Variants in ENOX1 observed in about 807,000 individuals in gnomAD.
ENOX1 encodes ecto-NOX disulfide-thiol exchanger 1.
Under a neutral mutation model 82.5 loss-of-function variants are expected in ENOX1, and 42 were observed. The ratio of observed to expected loss-of-function variants is 0.51; its 90% CI spans 0.40 to 0.66. The LOEUF is 0.66. Among genes scored for constraint, ENOX1 ranks in the 30% least tolerant of loss-of-function variants. The pLI, the probability that ENOX1 is intolerant of heterozygous loss-of-function variation, is 0.00. For missense variants in ENOX1, 608 were observed against 811.6 expected (o/e 0.75, Z 3.05); for synonymous variants, 271 against 282.2 (o/e 0.96, Z 0.40).
At chr13:43,222,816 T>A (rs1416906788) in intron 16 of ENOX1, among the ~76,000 whole-genome samples, 2 of 152,198 alleles carry the variant, frequency 1.3e-5, no homozygotes, top group Non-Finnish European at 2.9e-5. Context: ...CAAGTCCTTC[T>A]TATTTCATCT....
chr13:43,361,191 C>G, intron 6 of ENOX1, 88 bp downstream of exon 6: 4 of 1,368,638 alleles, frequency 2.9e-6, no homozygotes, highest in Non-Finnish European at 4.1e-6. Context: ...ACGTGTGAGT[C>G]ACATCTGAAA....
chr13:43,754,083 T>G (rs1024790762), intron 1 of ENOX1, among the ~76,000 whole-genome samples: 1 of 142,096 alleles, frequency 7.0e-6, no homozygotes, highest in Non-Finnish European at 1.5e-5. Flanking sequence ...TAAATACACA[T>G]ATATACGTAT....
intron 2 of ENOX1, among the ~76,000 whole-genome samples, chr13:43,621,261 T>C (rs2082717219): frequency 6.6e-6 from 1 of 152,224 alleles, no homozygotes; most frequent in Non-Finnish European, 1.5e-5. Flanking sequence ...TGAGGTACCA[T>C]TGAATTCATC....
At chr13:43,326,317 G>A (rs2048111374) in intron 10 of ENOX1, 102 bp downstream of exon 10, 13 of 906,820 alleles carry the variant, frequency 1.4e-5, no homozygotes, top group South Asian at 3.2e-5. Context: ...AATGGCAGGC[G>A]GACTGCCCAC....
rs561197951 is a variant in ENOX1, at chr13:43,273,411, C to T, written c.1447-3834G>A. ...ATTAAAAGTACTGTTAATTCTCTAA[C>T]CCCTATAGATAAAATCTAAACCACT... On this transcript the variant is annotated intron_variant, in intron 12 of 16. Coordinates refer to ENST00000690772, the MANE Select transcript of ENOX1 (RefSeq NM_001347969.2). 4.6e-5 allele frequency among the ~76,000 whole-genome samples: 7 copies of T among 152,248 alleles called. No homozygotes were observed. In the South Asian group the frequency reaches 1.2e-3, roughly 27 times the overall value.
chr13:43,360,924 C>T (rs909026625), intron 6 of ENOX1, among the ~76,000 whole-genome samples: 1 of 152,192 alleles, frequency 6.6e-6, no homozygotes, highest in Non-Finnish European at 1.5e-5. Flanking sequence ...TCTAGCAAAA[C>T]ATATTTCAGA....
intron 3 of ENOX1, among the ~76,000 whole-genome samples, chr13:43,437,746 T>G (rs1420775751): frequency 6.6e-6 from 1 of 152,188 alleles, no homozygotes; most frequent in Non-Finnish European, 1.5e-5. Flanking sequence ...CAGTGAATAT[T>G]TAGTAACTTC....
At chr13:43,770,864 T>C (rs923904906) in intron 1 of ENOX1, among the ~76,000 whole-genome samples, 1 of 152,094 alleles carries the variant, frequency 6.6e-6, no homozygotes, top group Non-Finnish European at 1.5e-5. Flanking sequence ...AATAAGCTTC[T>C]AAAAACTAGC....
intron 11 of ENOX1, among the ~76,000 whole-genome samples, chr13:43,319,604 G>A (rs9567147): frequency 3.3e-5 from 5 of 152,072 alleles, no homozygotes; most frequent in Admixed American, 6.5e-5. Flanking sequence ...TTTTGTCTTA[G>A]TATGGAGATG....
At chr13:43,687,007 A>G (rs541979904) in intron 1 of ENOX1, among the ~76,000 whole-genome samples, 47 of 152,264 alleles carry the variant, frequency 3.1e-4, no homozygotes, top group Non-Finnish European at 6.5e-4. Context: ...AAGTATATAT[A>G]CATTTCCATT....
intron 3 of ENOX1, among the ~76,000 whole-genome samples, chr13:43,419,827 C>T (rs56150203): frequency 0.016 from 2,403 of 151,992 alleles, 71 homozygotes; most frequent in African/African-American, 0.055. Context: ...AAGAATTAGC[C>T]GGGCGTGGTG....
intron 1 of ENOX1, among the ~76,000 whole-genome samples, chr13:43,671,086 C>G (rs939488682): frequency 1.1e-4 from 16 of 152,126 alleles, no homozygotes; most frequent in African/African-American, 3.9e-4. Flanking sequence ...ATAGTAAGAT[C>G]TCATGAGATC....
At chr13:43,519,302 C>T (rs1368119283) in intron 2 of ENOX1, among the ~76,000 whole-genome samples, 1 of 152,128 alleles carries the variant, frequency 6.6e-6, no homozygotes, top group African/African-American at 2.4e-5. Flanking sequence ...TCACCATCAA[C>T]CTTATATGCC....
intron 2 of ENOX1, among the ~76,000 whole-genome samples, chr13:43,500,602 T>C (rs1438342297): frequency 2.0e-5 from 3 of 152,084 alleles, no homozygotes; most frequent in East Asian, 1.9e-4. Context: ...TTCAAGTTGT[T>C]ACAAAAGGAT....
intron 2 of ENOX1, among the ~76,000 whole-genome samples, chr13:43,574,464 T>C (rs998991919): frequency 6.6e-6 from 1 of 152,210 alleles, no homozygotes; most frequent in Non-Finnish European, 1.5e-5. Flanking sequence ...ACCTTCATTG[T>C]ACAATACATT....
At chr13:43,444,954 T>A (rs1213438828) in intron 3 of ENOX1, among the ~76,000 whole-genome samples, 1 of 152,182 alleles carries the variant, frequency 6.6e-6, no homozygotes, top group African/African-American at 2.4e-5. Context: ...GGCTTCCAGT[T>A]CTGGGTCTGC....
At chr13:43,754,190 T>C (rs937347683) in intron 1 of ENOX1, among the ~76,000 whole-genome samples, 1 of 130,588 alleles carries the variant, frequency 7.7e-6, no homozygotes, top group African/African-American at 2.7e-5. Context: ...TGTATGTATA[T>C]ATACATATGT....
intron 2 of ENOX1, among the ~76,000 whole-genome samples, chr13:43,589,937 T>C (rs1438702479): frequency 6.8e-6 from 1 of 147,392 alleles, no homozygotes; most frequent in African/African-American, 2.5e-5. Context: ...ACATCCCTCA[T>C]AATTCCCACA....
intron 9 of ENOX1, among the ~76,000 whole-genome samples, chr13:43,341,117 G>A (rs1307661475): frequency 6.6e-6 from 1 of 152,088 alleles, no homozygotes; most frequent in Non-Finnish European, 1.5e-5. Context: ...CTAACATGGT[G>A]AAACCCTGTC....
Sources: gnomAD v4.1 joint callset for allele counts (sites outside exome capture counted in the v4.1 genomes callset) on GRCh38, gnomAD v4.1.1 for gene constraint, MANE v1.5 for transcripts, NCBI Gene and HGNC (gene_info 2026-07-23, HGNC 2026-07-21) for gene names.